Variants in SOX6 observed in about 807,000 individuals in gnomAD.
The protein encoded by SOX6 is SRY-box transcription factor 6, also known as transcription factor SOX-6.
In SOX6, 11 loss-of-function variants were observed where a neutral mutation model predicts 97.8. The ratio of observed to expected loss-of-function variants is 0.11; its 90% confidence interval spans 0.07 to 0.19. The LOEUF is 0.19. SOX6 is among the 10% of genes least tolerant of loss of function. SOX6 has a pLI of 1.00. For synonymous variants in SOX6, 360 were observed against 371.4 expected (o/e 0.97, Z 0.35); for missense variants, 810 against 1,039.5 (o/e 0.78, Z 3.04).
intron 3 of SOX6, among the ~76,000 whole-genome samples, chr11:16,305,763 G>C (rs1182492052): frequency 6.6e-6 from 1 of 151,468 alleles, no homozygotes; most frequent in African/African-American, 2.4e-5. Context: ...TGTTTGTATT[G>C]ACACCCATTA....
chr11:16,009,128 C>T (rs1188136963), intron 13 of SOX6, among the ~76,000 whole-genome samples: 1 of 151,982 alleles, frequency 6.6e-6, no homozygotes, highest in Non-Finnish European at 1.5e-5. Flanking sequence ...AATTTCTCAT[C>T]TTTTATTCCT....
At chr11:16,228,862 T>C (rs1313357237) in intron 4 of SOX6, among the ~76,000 whole-genome samples, 2 of 152,212 alleles carry the variant, frequency 1.3e-5, no homozygotes, top group Non-Finnish European at 2.9e-5. Flanking sequence ...TTCTCAGATT[T>C]TAGCAGTCTT....
chr11:16,479,418 T>C (rs1361308255), upstream of SOX6, among the ~76,000 whole-genome samples: 2 of 151,582 alleles, frequency 1.3e-5, no homozygotes, highest in African/African-American at 4.9e-5. Flanking sequence ...TAATCCCAGC[T>C]ACTCAGGAGG....
intron 1 of SOX6, among the ~76,000 whole-genome samples, chr11:16,345,492 C>T (rs1856752246): frequency 6.6e-6 from 1 of 152,084 alleles, no homozygotes; most frequent in East Asian, 1.9e-4. Context: ...TGAGAATGTT[C>T]TCTAGGAAGT....
intron 6 of SOX6, among the ~76,000 whole-genome samples, chr11:16,172,655 T>G (rs977960090): frequency 3.3e-4 from 50 of 152,174 alleles, no homozygotes; most frequent in African/African-American, 1.2e-3. Flanking sequence ...TCTCCTTTTT[T>G]AAAGTAACAG....
chr11:16,150,072 G>A (rs1156585944), intron 6 of SOX6, among the ~76,000 whole-genome samples: 1 of 152,136 alleles, frequency 6.6e-6, no homozygotes, highest in African/African-American at 2.4e-5. Flanking sequence ...CATTCATTCT[G>A]TAACATAAGT....
intron 12 of SOX6, 141 bp from the exon 13 acceptor site, chr11:16,015,191 G>T: frequency 1.3e-6 from 1 of 756,878 alleles, no homozygotes; most frequent in Non-Finnish European, 2.3e-6. Context: ...AATCTTTCAG[G>T]AAGATTCCGT....
chr11:16,096,022 G>A lies in SOX6; in HGVS notation c.1075C>T (p.His359Tyr). The change falls in exon 9 of 16, where the codon CAC becomes TAC. Residue 359 changes from histidine to tyrosine, a missense_variant. Physicochemically the swap from His to Tyr is moderately conservative, Grantham distance 83. Transcript: ENST00000683767. ...TCAATCTGTTTGTGGTTGTAAGAGT[G>A]GCCACCACCATGTTCAAAGGTGTCC... ...NLDTFEHGGG[H>Y]SYNHKQIEQL... 6.2e-7 allele frequency: 1 copy of A among 1,611,268 alleles called. No homozygotes were observed.
chr11:16,538,586 G>C (rs1565175205), intron 4 of SOX6, among the ~76,000 whole-genome samples: 1 of 152,124 alleles, frequency 6.6e-6, no homozygotes, highest in Non-Finnish European at 1.5e-5. Context: ...CCCATCTCAT[G>C]TGCAGAGACA....
chr11:16,419,517 T>C (rs773713791), intron 1 of SOX6, among the ~76,000 whole-genome samples: 6 of 146,180 alleles, frequency 4.1e-5, no homozygotes, highest in Non-Finnish European at 7.5e-5. Flanking sequence ...CTGAAAACCA[T>C]AGTGAGAAAT....
At chr11:16,704,170 T>C (rs1848114476) in intron 3 of SOX6, among the ~76,000 whole-genome samples, 2 of 152,216 alleles carry the variant, frequency 1.3e-5, no homozygotes. Context: ...AAACCAGATA[T>C]TGTAATCAAT....
At chr11:16,729,654 T>C (rs939598123) in intron 2 of SOX6, among the ~76,000 whole-genome samples, 10 of 152,152 alleles carry the variant, frequency 6.6e-5, no homozygotes, top group African/African-American at 1.9e-4. Flanking sequence ...ATCGACACTA[T>C]GAAGAAACTG....
chr11:16,253,431 A>T (rs1370625918), intron 3 of SOX6, among the ~76,000 whole-genome samples: 2 of 152,162 alleles, frequency 1.3e-5, no homozygotes, highest in Non-Finnish European at 2.9e-5. Flanking sequence ...TTATTGGACC[A>T]AATTTTTAAA....
intron 11 of SOX6, among the ~76,000 whole-genome samples, chr11:16,049,210 G>A (rs559207706): frequency 3.6e-4 from 55 of 152,150 alleles, no homozygotes; most frequent in South Asian, 1.2e-3. Flanking sequence ...TTCACATAGG[G>A]CTATGAATAT....
intron 1 of SOX6, among the ~76,000 whole-genome samples, chr11:16,388,807 G>C (rs1209660112): frequency 6.6e-6 from 1 of 151,742 alleles, no homozygotes; most frequent in Non-Finnish European, 1.5e-5. Flanking sequence ...CATTTTTCTT[G>C]TTTCCAGCAA....
Position 16,097,685 on chromosome 11 carries a change from T to C in SOX6, c.902A>G (p.Asp301Gly), listed in dbSNP as rs928226305. The C allele has an allele frequency of 6.2e-7, 1 of 1,610,718 alleles. No individual in the cohort carries two copies. The highest frequency in any genetic ancestry group is 8.5e-7 in the Non-Finnish European group (1 of 1,177,640). ...FPPGITYKPG[D>G]NYPVQFIPST... is the part of the protein sequence containing the mutation. The stretch of plus-strand genomic sequence containing the variant: ...TGGAATGAACTGTACGGGGTAGTTA[T>C]CACCTGTCGGAAAGAACAATGCATA... The change falls in exon 8 of 16, where the codon GAT becomes GGT. Residue 301 changes from aspartate (D) to glycine (G), a missense_variant. This residue lies in a region of SOX6 where 244 missense variants were observed against 261.0 expected (regional missense o/e 0.93). Coordinates refer to ENST00000683767, the MANE Select transcript of SOX6 (RefSeq NM_001367873.1).
At chr11:16,368,783 T>C (rs1857427114) in intron 1 of SOX6, among the ~76,000 whole-genome samples, 1 of 151,876 alleles carries the variant, frequency 6.6e-6, no homozygotes, top group Non-Finnish European at 1.5e-5. Flanking sequence ...ATCAAGAAAA[T>C]GAAAAGACAA....
intron 3 of SOX6, among the ~76,000 whole-genome samples, chr11:16,271,353 T>A (rs184824758): frequency 1.2e-3 from 185 of 151,572 alleles, no homozygotes; most frequent in Non-Finnish European, 2.0e-3. Flanking sequence ...TTTCTCAGTC[T>A]AGGTATAACG....
chr11:16,160,688 G>A (rs1172665912), intron 6 of SOX6, among the ~76,000 whole-genome samples: 1 of 152,124 alleles, frequency 6.6e-6, no homozygotes, highest in Admixed American at 6.6e-5. Flanking sequence ...TGTAATTTAA[G>A]AATGTTTCAT....
Sources: gnomAD v4.1 joint callset for allele counts (sites outside exome capture counted in the v4.1 genomes callset) on GRCh38, gnomAD v4.1.1 for gene constraint, gnomAD v4.1.1 regional missense constraint, MANE v1.5 for transcripts, NCBI Gene and HGNC (gene_info 2026-07-23, HGNC 2026-07-21) for gene names.